SEM1: variants seen among roughly 807,000 people sequenced by gnomAD.
The protein encoded by SEM1 is 26S proteasome complex subunit SEM1.
A neutral mutation model predicts 12.7 loss-of-function variants in SEM1; 3 were observed. The ratio of observed to expected loss-of-function variants is 0.24; its 90% CI spans 0.11 to 0.61. The LOEUF (loss-of-function observed/expected upper bound fraction) is 0.61, where lower values mean the gene tolerates loss of function less well. SEM1 is among the 20% of genes least tolerant of loss of function. The probability of loss-of-function intolerance (pLI) is 0.88; values close to 1 mark genes in which losing one functional copy is unlikely to be tolerated. For missense variants in SEM1, 59 were observed against 81.3 expected, an observed-to-expected ratio of 0.73 and a Z score of 1.06; for synonymous variants, 30 against 27.8, an observed-to-expected ratio of 1.08 and a Z score of -0.25.
At chr7:96,645,943 CAAG>C in intron 2 of SEM1, 2 of 398,182 alleles carry the variant, frequency 5.0e-6, no homozygotes, top group Non-Finnish European at 8.9e-6. Context: ...CTACCTTCCA[CAAG>C]AAGAAAATAT....
chr7:96,547,436 T>G (rs1408067739), intron 2 of SEM1, among the ~76,000 whole-genome samples: 7 of 152,122 alleles, frequency 4.6e-5, no homozygotes, highest in Non-Finnish European at 8.8e-5. Flanking sequence ...AAGGCAAAAA[T>G]GTAGTGTTGT....
At chr7:96,592,261 C>T (rs926303838) in intron 2 of SEM1, among the ~76,000 whole-genome samples, 2 of 151,820 alleles carry the variant, frequency 1.3e-5, no homozygotes, top group Admixed American at 6.6e-5. Flanking sequence ...AGACAACTCC[C>T]TCCTTAGCCT....
intron 2 of SEM1, among the ~76,000 whole-genome samples, chr7:96,564,332 A>C (rs562337276): frequency 2.0e-5 from 3 of 152,132 alleles, no homozygotes; most frequent in African/African-American, 7.2e-5. Flanking sequence ...TAACAGTAGT[A>C]TGAGAATGTG....
intron 2 of SEM1, among the ~76,000 whole-genome samples, chr7:96,558,702 G>A (rs778365921): frequency 2.0e-5 from 3 of 152,166 alleles, no homozygotes; most frequent in Non-Finnish European, 2.9e-5. Context: ...TTCGTAAACT[G>A]CTCATTTGTT....
intron 1 of SEM1, among the ~76,000 whole-genome samples, chr7:96,701,701 T>C (rs750717522): frequency 1.3e-5 from 2 of 151,980 alleles, no homozygotes; most frequent in South Asian, 4.1e-4. Context: ...TAATCTTACT[T>C]AAAAAAATCA....
chr7:96,499,591 T>C (rs1803435973), upstream of SEM1, among the ~76,000 whole-genome samples: 1 of 152,184 alleles, frequency 6.6e-6, no homozygotes, highest in Non-Finnish European at 1.5e-5. Context: ...AAGTTAAAGA[T>C]GGAACTACTA....
At chr7:96,503,459 A>C (rs1803640240) in intron 3 of SEM1, 1 of 152,132 alleles carries the variant, frequency 6.6e-6, no homozygotes, top group Non-Finnish European at 1.5e-5. Flanking sequence ...GTAGGAGAAA[A>C]AGGATTAGTC....
intron 2 of SEM1, among the ~76,000 whole-genome samples, chr7:96,599,376 A>G (rs1807118172): frequency 6.6e-6 from 1 of 152,148 alleles, no homozygotes; most frequent in Non-Finnish European, 1.5e-5. Context: ...CAAAACCCAG[A>G]GTAATAATAA....
chr7:96,662,479 T>C lies in SEM1; in HGVS notation c.170+32319A>G, dbSNP rs538475556. 2.6e-5 allele frequency among the ~76,000 whole-genome samples: 4 copies of C among 151,980 alleles called. No individual in the cohort carries two copies. The East Asian group carries it at 5.8e-4, about 22-fold the overall frequency. ...GTGGGAGTTGAACAATGAGAACACA[T>C]GGACACATGGAGGTGAACATCACAC... On this transcript the variant is annotated intron_variant, in intron 2 of 2. Transcript: ENST00000417009.
intron 1 of SEM1, among the ~76,000 whole-genome samples, chr7:96,495,486 C>T (rs1415147037): frequency 6.6e-6 from 1 of 152,152 alleles, no homozygotes; most frequent in Non-Finnish European, 1.5e-5. Flanking sequence ...CTAGCCACTA[C>T]TGCAGTTATG....
chr7:96,636,357 G>T (rs1808425378), intron 2 of SEM1, among the ~76,000 whole-genome samples: 1 of 151,884 alleles, frequency 6.6e-6, no homozygotes, highest in Non-Finnish European at 1.5e-5. Context: ...TGGTGACTGG[G>T]TCATCATGAG....
chr7:96,553,443 A>G (rs1275881192), intron 2 of SEM1, among the ~76,000 whole-genome samples: 1 of 149,068 alleles, frequency 6.7e-6, no homozygotes, highest in Non-Finnish European at 1.5e-5. Flanking sequence ...ACCATTTATT[A>G]AATAGGGAAT....
intron 2 of SEM1, among the ~76,000 whole-genome samples, chr7:96,667,284 G>T (rs1353719645): frequency 6.6e-6 from 1 of 152,174 alleles, no homozygotes; most frequent in East Asian, 1.9e-4. Flanking sequence ...TTGGCGGCCG[G>T]TTTCAGTCTG....
At chr7:96,570,359 T>G (rs1240010128) in intron 2 of SEM1, among the ~76,000 whole-genome samples, 2 of 151,042 alleles carry the variant, frequency 1.3e-5, no homozygotes, top group East Asian at 3.9e-4. Context: ...CCCCACCCCC[T>G]GACAGGCCAC....
chr7:96,641,624 T>C (rs1808611909), intron 2 of SEM1, among the ~76,000 whole-genome samples: 1 of 152,046 alleles, frequency 6.6e-6, no homozygotes, highest in African/African-American at 2.4e-5. Context: ...AAATGCAGAT[T>C]GTCTCTTTAA....
chr7:96,542,594 T>TA (rs141243456), intron 2 of SEM1, among the ~76,000 whole-genome samples: 6,678 of 151,762 alleles, frequency 0.044, 517 homozygotes, highest in African/African-American at 0.15. Flanking sequence ...AAATGGAAAA[T>TA]AAAAAATGAT....
chr7:96,658,541 T>C (rs1809259310), intron 2 of SEM1, among the ~76,000 whole-genome samples: 1 of 152,214 alleles, frequency 6.6e-6, no homozygotes, highest in Admixed American at 6.5e-5. Context: ...AGGAAACAAA[T>C]GTTAAATCTG....
At chr7:96,574,083 C>T (rs542226220) in intron 2 of SEM1, among the ~76,000 whole-genome samples, 28 of 152,204 alleles carry the variant, frequency 1.8e-4, no homozygotes, top group African/African-American at 5.1e-4. Context: ...TATCCCTCCC[C>T]GCTCCTCCCA....
chr7:96,582,592 T>C (rs1362219356), intron 2 of SEM1, among the ~76,000 whole-genome samples: 1 of 152,182 alleles, frequency 6.6e-6, no homozygotes, highest in Non-Finnish European at 1.5e-5. Flanking sequence ...GCTGTGAATC[T>C]GTCTGGTCCT....
Sources: gnomAD v4.1 joint callset for allele counts (sites outside exome capture counted in the v4.1 genomes callset) on GRCh38, gnomAD v4.1.1 for gene constraint, MANE v1.5 for transcripts, NCBI Gene and HGNC (gene_info 2026-07-23, HGNC 2026-07-21) for gene names.